The following UBE4B variants were observed in gnomAD, a reference collection of about 807,000 sequenced individuals.
The protein encoded by UBE4B is ubiquitin conjugation factor E4 B.
In UBE4B, 27 loss-of-function variants were observed where a neutral mutation model predicts 148.1. That is an observed-to-expected ratio of 0.18 (90% CI 0.13 to 0.25). The LOEUF (loss-of-function observed/expected upper bound fraction) is 0.25. UBE4B is among the 10% of genes least tolerant of loss of function. UBE4B has a pLI of 1.00. For missense variants in UBE4B, 1,170 were observed against 1,662.4 expected (o/e 0.70, Z 5.15); for synonymous variants, 596 against 619.3 (o/e 0.96, Z 0.56).
At chr1:10,040,842 A>C (rs976215596) in intron 1 of UBE4B, among the ~76,000 whole-genome samples, 2 of 151,334 alleles carry the variant, frequency 1.3e-5, no homozygotes, top group Admixed American at 1.3e-4. Context: ...CGGGTCTCAA[A>C]CTCTTGACCT....
At chr1:10,093,655 C>T (rs777619993) in intron 2 of UBE4B, among the ~76,000 whole-genome samples, 5 of 151,726 alleles carry the variant, frequency 3.3e-5, no homozygotes, top group East Asian at 1.9e-4. Context: ...TTCACTACAA[C>T]GGGTAACTCA....
intron 1 of UBE4B, among the ~76,000 whole-genome samples, chr1:10,056,588 T>C (rs1570793127): frequency 6.6e-6 from 1 of 152,232 alleles, no homozygotes; most frequent in Non-Finnish European, 1.5e-5. Context: ...GTTTGTTATA[T>C]TACCTTTATT....
At chr1:10,060,791 A>G (rs1231059135) in intron 1 of UBE4B, among the ~76,000 whole-genome samples, 2 of 151,270 alleles carry the variant, frequency 1.3e-5, no homozygotes, top group Non-Finnish European at 2.9e-5. Context: ...AGCCAGTCTC[A>G]CTCTGTTGCC....
intron 10 of UBE4B, among the ~76,000 whole-genome samples, chr1:10,125,213 A>T (rs888170568): frequency 1.3e-5 from 2 of 152,258 alleles, no homozygotes; most frequent in African/African-American, 4.8e-5. Flanking sequence ...AAGAAAGTGT[A>T]ATTATATTTT....
chr1:10,097,559 C>T (rs1306032943), intron 3 of UBE4B, among the ~76,000 whole-genome samples: 3 of 152,112 alleles, frequency 2.0e-5, no homozygotes, highest in Non-Finnish European at 2.9e-5. Flanking sequence ...GCCTGTAATC[C>T]CATCACTTTG....
intron 10 of UBE4B, among the ~76,000 whole-genome samples, chr1:10,122,749 A>G (rs1489891682): frequency 2.6e-5 from 4 of 152,226 alleles, no homozygotes; most frequent in Admixed American, 2.0e-4. Flanking sequence ...CAACTGTCAC[A>G]CAAGTTTTTT....
At chr1:10,170,652 T>C (rs909042494) in intron 24 of UBE4B, among the ~76,000 whole-genome samples, 11 of 152,242 alleles carry the variant, frequency 7.2e-5, no homozygotes, top group Non-Finnish European at 1.6e-4. Flanking sequence ...TTGCATTACT[T>C]TGTTATTTGT....
chr1:10,083,904 T>G (rs1423777883), intron 2 of UBE4B, among the ~76,000 whole-genome samples: 1 of 152,202 alleles, frequency 6.6e-6, no homozygotes, highest in African/African-American at 2.4e-5. Context: ...AATTACTTTG[T>G]GAATCTGGTT....
intron 5 of UBE4B, among the ~76,000 whole-genome samples, chr1:10,104,161 T>C (rs1053257349): frequency 6.6e-6 from 1 of 152,238 alleles, no homozygotes; most frequent in African/African-American, 2.4e-5. Flanking sequence ...TATGAAGCCA[T>C]GTATAGACGG....
intron 1 of UBE4B, among the ~76,000 whole-genome samples, chr1:10,055,862 T>C (rs1441525959): frequency 6.6e-6 from 1 of 152,148 alleles, no homozygotes; most frequent in African/African-American, 2.4e-5. Context: ...GAGGTTGCAG[T>C]GAGCTGAGAT....
chr1:10,155,523 AG>A (rs1646055371), intron 21 of UBE4B, among the ~76,000 whole-genome samples: 1 of 152,176 alleles, frequency 6.6e-6, no homozygotes, highest in Non-Finnish European at 1.5e-5. Context: ...ACAGCTACTA[AG>A]GGACCGGTGT....
chr1:10,151,688 C>G, intron 21 of UBE4B, 127 bp downstream of exon 21: 1 of 780,948 alleles, frequency 1.3e-6, no homozygotes, highest in Non-Finnish European at 2.1e-6. Flanking sequence ...AGCCTACTAA[C>G]CTGTGGCCTG....
chr1:10,071,538 T>C (rs1047530807), intron 1 of UBE4B, among the ~76,000 whole-genome samples: 3 of 152,138 alleles, frequency 2.0e-5, no homozygotes, highest in Non-Finnish European at 4.4e-5. Context: ...CAGTGAGCTA[T>C]GATTGAAATA....
chr1:10,130,870 AG>A (rs1645582012), intron 14 of UBE4B, 57 bp downstream of exon 14: 5 of 1,508,220 alleles, frequency 3.3e-6, no homozygotes, highest in Middle Eastern at 1.7e-4. Context: ...CCAGATACAG[AG>A]CTTTTATTTT....
chr1:10,170,525 T>A (rs975886662), intron 24 of UBE4B, among the ~76,000 whole-genome samples: 1 of 152,204 alleles, frequency 6.6e-6, no homozygotes, highest in African/African-American at 2.4e-5. Flanking sequence ...GGGTACTGAG[T>A]CACCTTGTGA....
intron 8 of UBE4B, among the ~76,000 whole-genome samples, chr1:10,119,097 G>C (rs1172855241): frequency 6.6e-6 from 1 of 151,264 alleles, no homozygotes; most frequent in East Asian, 2.0e-4. Flanking sequence ...TGGCCAGGAT[G>C]GCGTCGATCT....
At chr1:10,150,734 C>T (rs971728779) in intron 20 of UBE4B, among the ~76,000 whole-genome samples, 1 of 151,322 alleles carries the variant, frequency 6.6e-6, no homozygotes, top group Non-Finnish European at 1.5e-5. Context: ...GTGGCAGGCA[C>T]CTGTAGTCCC....
At chr1:10,062,762 G>T (rs1458144138) in intron 1 of UBE4B, among the ~76,000 whole-genome samples, 1 of 152,088 alleles carries the variant, frequency 6.6e-6, no homozygotes, top group African/African-American at 2.4e-5. Context: ...TTCAAGACCA[G>T]CCTGACCAAC....
At chr1:10,164,165 A>T (rs1646211644) in intron 23 of UBE4B, among the ~76,000 whole-genome samples, 1 of 152,016 alleles carries the variant, frequency 6.6e-6, no homozygotes, top group African/African-American at 2.4e-5. Context: ...ACATGGTGAA[A>T]CCCAGTGTCT....
Sources: allele counts gnomAD v4.1 joint callset (sites outside exome capture counted in the v4.1 genomes callset), GRCh38; gene constraint gnomAD v4.1.1; transcripts MANE v1.5; gene names NCBI Gene and HGNC (gene_info 2026-07-23, HGNC 2026-07-21).